The following DRC2 variants were observed in gnomAD, a reference collection of about 807,000 sequenced individuals.
The protein encoded by DRC2 is coiled-coil domain containing 65.
the DRC2 span, among the ~76,000 whole-genome samples, chr12:48,908,853 G>A: frequency 1.3e-5 from 2 of 151,430 alleles, no homozygotes; most frequent in South Asian, 2.1e-4. Flanking sequence ...CACCTGCCTC[G>A]GCCTCCTAAA....
the DRC2 span, among the ~76,000 whole-genome samples, chr12:48,909,479 T>C: frequency 6.6e-6 from 1 of 152,286 alleles, no homozygotes; most frequent in Admixed American, 6.5e-5. Context: ...TTTTTATTTT[T>C]ATTTATTTAT....
chr12:48,918,243 C>T, the DRC2 span: 1 of 1,607,966 alleles, frequency 6.2e-7, no homozygotes, highest in East Asian at 2.2e-5. Context: ...AAGGTAATTC[C>T]AAACATTTGC....
At chr12:48,921,021 C>A in the DRC2 span, 1 of 1,613,654 alleles carries the variant, frequency 6.2e-7, no homozygotes, top group Admixed American at 1.7e-5. Flanking sequence ...GTATTGACTC[C>A]TAAGGAGCAG....
the DRC2 span, among the ~76,000 whole-genome samples, chr12:48,911,456 G>A: frequency 6.6e-6 from 1 of 152,104 alleles, no homozygotes; most frequent in Non-Finnish European, 1.5e-5. Context: ...TACTCAGGGG[G>A]CTGAGGTGGG....
chr12:48,915,859 C>T, the DRC2 span, among the ~76,000 whole-genome samples: 231 of 151,470 alleles, frequency 1.5e-3, 1 homozygote, highest in Non-Finnish European at 2.7e-3. Context: ...AGCTGCCGGG[C>T]GGAGGGTCTC....
the DRC2 span, chr12:48,916,876 T>C: frequency 1.6e-6 from 2 of 1,223,992 alleles, no homozygotes; most frequent in Non-Finnish European, 1.2e-6. Context: ...TAAGAGTTTG[T>C]ACCATTCACA....
At chr12:48,904,367 C>G in the DRC2 span, 1 of 1,613,802 alleles carries the variant, frequency 6.2e-7, no homozygotes, top group African/African-American at 1.3e-5. Context: ...GGCCAAGACG[C>G]CCCTGTCCGA....
chr12:48,905,752 C>T, the DRC2 span, among the ~76,000 whole-genome samples: 1 of 152,162 alleles, frequency 6.6e-6, no homozygotes, highest in African/African-American at 2.4e-5. Context: ...TTACTGCCTT[C>T]TCCTTAGTCT....
At chr12:48,915,006 G>A in the DRC2 span, among the ~76,000 whole-genome samples, 1 of 151,570 alleles carries the variant, frequency 6.6e-6, no homozygotes, top group African/African-American at 2.4e-5. Flanking sequence ...TTACAGGTGC[G>A]TGCCACCACA....
the DRC2 span, among the ~76,000 whole-genome samples, chr12:48,912,689 C>T: frequency 6.6e-6 from 1 of 152,004 alleles, no homozygotes; most frequent in Non-Finnish European, 1.5e-5. Flanking sequence ...TGGGGAGTGG[C>T]AAGGTCACAT....
chr12:48,916,382 G>A, the DRC2 span, among the ~76,000 whole-genome samples: 1 of 152,144 alleles, frequency 6.6e-6, no homozygotes, highest in Admixed American at 6.5e-5. Context: ...CGGATCACTC[G>A]CGGTTAGGAG....
chr12:48,904,239 TC>T, the DRC2 span: 1 of 1,494,658 alleles, frequency 6.7e-7, no homozygotes, highest in Non-Finnish European at 8.9e-7. Flanking sequence ...CAGGGGCACT[TC>T]TGGAAGTCCC....
chr12:48,906,569 C>T, the DRC2 span, among the ~76,000 whole-genome samples: 7 of 151,902 alleles, frequency 4.6e-5, no homozygotes, highest in Admixed American at 2.6e-4. Flanking sequence ...CAGGCATGAG[C>T]CACCACGCCC....
chr12:48,921,447 A>G, the DRC2 span: 3 of 1,602,498 alleles, frequency 1.9e-6, no homozygotes, highest in Non-Finnish European at 2.6e-6. Context: ...CACTTAAAAT[A>G]TAATTGAAGC....
chr12:48,905,152 C>G, the DRC2 span: 7 of 1,534,568 alleles, frequency 4.6e-6, no homozygotes, highest in South Asian at 8.9e-5. Flanking sequence ...GTATGGCTTC[C>G]TGACCTCTTA....
the DRC2 span, among the ~76,000 whole-genome samples, chr12:48,911,001 T>C: frequency 1.3e-5 from 2 of 152,166 alleles, no homozygotes; most frequent in South Asian, 4.1e-4. Flanking sequence ...GCCAAGATTG[T>C]GCTCATATAT....
At chr12:48,914,327 C>T in the DRC2 span, 2 of 1,419,204 alleles carry the variant, frequency 1.4e-6, no homozygotes, top group Non-Finnish European at 1.9e-6. Flanking sequence ...AAAGAAAAAA[C>T]TGCCAGCTGA....
At chr12:48,908,604 A>ATTAT in the DRC2 span, among the ~76,000 whole-genome samples, 57 of 110,906 alleles carry the variant, frequency 5.1e-4, no homozygotes, top group Middle Eastern at 4.5e-3. Flanking sequence ...TATTATTATT[A>ATTAT]TTATTTATTT....
the DRC2 span, among the ~76,000 whole-genome samples, chr12:48,912,656 G>C: frequency 6.6e-6 from 1 of 152,110 alleles, no homozygotes; most frequent in East Asian, 1.9e-4. Context: ...CAAGGAGCTG[G>C]AAGAAGAGAC....
Sources: gnomAD v4.1 joint callset for allele counts (sites outside exome capture counted in the v4.1 genomes callset) on GRCh38, gnomAD v4.1.1 for gene constraint, MANE v1.5 for transcripts, NCBI Gene and HGNC (gene_info 2026-07-23, HGNC 2026-07-21) for gene names.